The following HERC6 variants were observed in gnomAD, a reference collection of about 807,000 sequenced individuals.
The protein encoded by HERC6 is HECT and RLD domain containing E3 ubiquitin protein ligase family member 6.
Under a neutral mutation model 114.5 loss-of-function variants are expected in HERC6, and 101 were observed. The observed-to-expected ratio is 0.88, with a 90% CI of 0.75 to 1.04. The LOEUF is 1.04. Ranked by LOEUF, HERC6 falls within the 50% of genes least tolerant of loss-of-function variation. The pLI is 0.00. For missense variants in HERC6, 1,133 were observed against 1,230.9 expected (o/e 0.92, Z 1.19); for synonymous variants, 408 against 436.2 (o/e 0.94, Z 0.81).
intron 20 of HERC6, among the ~76,000 whole-genome samples, chr4:88,438,004 A>G (rs1738931731): frequency 6.6e-6 from 1 of 151,868 alleles, no homozygotes; most frequent in Non-Finnish European, 1.5e-5. Flanking sequence ...GTGGTGGCAC[A>G]TGCCTGTAGT....
chr4:88,389,709 A>T (rs1231662706), intron 3 of HERC6, among the ~76,000 whole-genome samples: 1 of 77,276 alleles, frequency 1.3e-5, no homozygotes, highest in African/African-American at 5.5e-5. Flanking sequence ...CTTTAATCTC[A>T]TTTTTTTCTT....
Position 88,396,953 on chromosome 4 carries a change from G to A in HERC6, c.990G>A (p.Glu330=). ...CAACTCATCCGGAGGCCCTGACAGA[G>A]AACTTTGACATTAGCTGCCTGATTT... ...SKPTHPEALT[E]NFDISCLISA... The change falls in exon 7 of 23, where the codon GAG becomes GAA. Residue 330 remains glutamate, a synonymous_variant. Transcript: ENST00000264346. The A allele has an allele frequency of 6.2e-7, 1 of 1,612,770 alleles. No homozygotes were observed. The highest frequency in any genetic ancestry group is 8.5e-7 in the Non-Finnish European group (1 of 1,179,216).
chr4:88,428,508 G>C, intron 15 of HERC6, 72 bp from the exon 16 acceptor site: 1 of 1,125,638 alleles, frequency 8.9e-7, no homozygotes, highest in Non-Finnish European at 1.2e-6. Flanking sequence ...ATGTTTATTG[G>C]AAGTATTAAA....
At chr4:88,385,625 A>C in intron 3 of HERC6, 50 bp downstream of exon 3, 1 of 908,362 alleles carries the variant, frequency 1.1e-6, no homozygotes, top group Non-Finnish European at 1.7e-6. Context: ...AATTTTTTGA[A>C]TAGGAATTAT....
In HERC6 at chr4:88,398,144, T is replaced by C. The variant is rs17014118; in HGVS notation, c.1027T>C (p.Phe343Leu). 0.22 allele frequency: 355,146 copies of C among 1,578,912 alleles called. 64,465 individuals are homozygous for C. The highest frequency in any genetic ancestry group is 0.74 in the African/African-American group (54,691 of 73,848). The part of the protein sequence containing the change: ...DISCLISAED[F>L]VDVQVKHIFA... Reference sequence around the variant, plus strand: ...ATGGATTTATGACTTTCTTTTAGACTTCGTGGATGTTCAAGTCAAACACAT... The same window carrying C: ...ATGGATTTATGACTTTCTTTTAGACCTCGTGGATGTTCAAGTCAAACACAT... The change falls in exon 8 of 23, where the codon TTC becomes CTC. Residue 343 changes from phenylalanine to leucine, a missense_variant and splice_region_variant. This residue lies in a region of HERC6 where 735 missense variants were observed against 754.0 expected (regional missense o/e 0.97). Coordinates refer to ENST00000264346, the MANE Select transcript of HERC6 (RefSeq NM_017912.4).
rs767970991 is a variant in HERC6 at position 88,390,648 on chromosome 4, G to A, written c.437-4G>A. On this transcript the variant is annotated splice_region_variant and splice_polypyrimidine_tract_variant and intron_variant, in intron 3 of 22. Transcript: ENST00000264346. ...CAATTCTTAATTTCTCGTCTTTGTT[G>A]TAGATAGCCAAGTGTTTTCGTGGGG... 1.2e-5 allele frequency: 19 copies of A among 1,593,248 alleles called. No individual in the cohort carries two copies. The South Asian group carries it at 2.1e-4, about 18-fold the overall frequency.
chr4:88,437,098 C>T (rs1738836961), intron 19 of HERC6, 127 bp downstream of exon 19: 2 of 631,316 alleles, frequency 3.2e-6, no homozygotes, highest in Admixed American at 6.9e-5. Context: ...ACTCTGTCAC[C>T]CAGGTTGGAG....
intron 17 of HERC6, among the ~76,000 whole-genome samples, 167 bp downstream of exon 17, chr4:88,431,472 G>T (rs1297279873): frequency 1.3e-5 from 2 of 152,118 alleles, no homozygotes; most frequent in Non-Finnish European, 2.9e-5. Flanking sequence ...GGCGTCACTT[G>T]GGGAGCTGTT....
chr4:88,396,220 G>A, intron 6 of HERC6, 78 bp downstream of exon 6: 4 of 1,225,508 alleles, frequency 3.3e-6, no homozygotes, highest in Non-Finnish European at 4.3e-6. Context: ...TGACTCATAT[G>A]GAATGTTATC....
At position 88,439,970 on chromosome 4, in the gene HERC6, G is replaced by C; in HGVS notation, c.2652G>C (p.Glu884Asp). Residue 884 changes from glutamate (E) to aspartate (D), a missense_variant, in exon 21 of 23, where the codon GAG (glutamate) becomes GAC (aspartate). Glu to Asp is a conservative substitution (Grantham distance 45). This residue lies in a region of HERC6 where 388 missense variants were observed against 445.9 expected (regional missense o/e 0.87). Coordinates refer to ENST00000264346, the MANE Select transcript of HERC6 (RefSeq NM_017912.4). The part of the protein sequence containing the change: ...EFQRGFYRVC[E>D]KEILRHFYPE... ...AGAGAGGATTTTATAGAGTCTGTGA[G>C]AAGGAGATACTTAGACATTTCTACC... 1.1e-5 allele frequency: 17 copies of C among 1,611,930 alleles called. No homozygotes were observed. Among genetic ancestry groups the C allele is most frequent in the Non-Finnish European group, 1.4e-5 (17 of 1,179,368 alleles).
At chr4:88,380,820 C>T (rs1441861970) in intron 1 of HERC6, among the ~76,000 whole-genome samples, 1 of 151,848 alleles carries the variant, frequency 6.6e-6, no homozygotes, top group Non-Finnish European at 1.5e-5. Flanking sequence ...GTAGCTCCAA[C>T]ACCCAAAGAT....
chr4:88,402,376 T>A (rs532533864), intron 8 of HERC6, among the ~76,000 whole-genome samples: 22 of 151,932 alleles, frequency 1.4e-4, no homozygotes, highest in African/African-American at 5.1e-4. Flanking sequence ...GTGTTGGGAG[T>A]GGCTGCTACT....
At position 88,392,515 on chromosome 4, in the gene HERC6, A is replaced by G. The variant is rs116854233; in HGVS notation, c.665-973A>G. ...AGTTTTTCTTATCATCTCAATTTTT[A>G]TAATACATTTGCAGAGCATCTATTG... On this transcript the variant is annotated intron_variant, in intron 4 of 22. Transcript: ENST00000264346. 3.4e-4 allele frequency among the ~76,000 whole-genome samples: 52 copies of G among 152,240 alleles called. No individual in the cohort carries two copies. The East Asian group carries it at 8.5e-3, about 25-fold the overall frequency.
chr4:88,398,545 C>A (rs557595292), intron 8 of HERC6: 1 of 175,090 alleles, frequency 5.7e-6, no homozygotes, highest in East Asian at 1.7e-4. Context: ...TGAATTTTCC[C>A]TGTCCAGGAC....
At chr4:88,399,108 T>A (rs1296405291) in intron 8 of HERC6, 1 of 152,256 alleles carries the variant, frequency 6.6e-6, no homozygotes, top group East Asian at 1.9e-4. Context: ...TTTTTCTAAT[T>A]TGTACTTTTT....
At chr4:88,385,744 A>G (rs1379557407) in intron 3 of HERC6, among the ~76,000 whole-genome samples, 169 bp downstream of exon 3, 2 of 152,134 alleles carry the variant, frequency 1.3e-5, no homozygotes, top group Non-Finnish European at 2.9e-5. Context: ...GGTCCTAATT[A>G]TACTCTAAAC....
At chr4:88,393,206 T>C (rs1735012069) in intron 4 of HERC6, among the ~76,000 whole-genome samples, 2 of 152,102 alleles carry the variant, frequency 1.3e-5, no homozygotes, top group Admixed American at 1.3e-4. Flanking sequence ...TCTCCCAAGG[T>C]AGGGTTTTTC....
At chr4:88,427,059 T>C (rs777105049) in intron 15 of HERC6, among the ~76,000 whole-genome samples, 2 of 152,166 alleles carry the variant, frequency 1.3e-5, no homozygotes, top group East Asian at 1.9e-4. Flanking sequence ...CTCGGGCAGA[T>C]TGCACATTAT....
At chr4:88,414,540 G>A (rs1459889133) in intron 12 of HERC6, among the ~76,000 whole-genome samples, 1 of 152,142 alleles carries the variant, frequency 6.6e-6, no homozygotes, top group Non-Finnish European at 1.5e-5. Flanking sequence ...AATAAAAAAT[G>A]GCTACTCCAC....
Sources: gnomAD v4.1 joint callset for allele counts (sites outside exome capture counted in the v4.1 genomes callset) on GRCh38, gnomAD v4.1.1 for gene constraint, gnomAD v4.1.1 regional missense constraint, MANE v1.5 for transcripts, NCBI Gene and HGNC (gene_info 2026-07-23, HGNC 2026-07-21) for gene names.